The following EVL variants were observed in gnomAD, a reference collection of about 807,000 sequenced individuals.
EVL encodes Enah/Vasp-like, also known as ena/VASP-like protein.
EVL carries 21 observed loss-of-function variants against 59.6 expected under a neutral mutation model. The ratio of observed to expected loss-of-function variants is 0.35; its 90% confidence interval spans 0.25 to 0.51. The LOEUF (loss-of-function observed/expected upper bound fraction) is 0.51. EVL is among the 20% of genes least tolerant of loss of function. EVL has a pLI of 0.97. For missense variants in EVL, 462 were observed against 546.6 expected, an observed-to-expected ratio of 0.85 and a Z score of 1.54; for synonymous variants, 198 against 203.5, an observed-to-expected ratio of 0.97 and a Z score of 0.23.
intron 5 of EVL, among the ~76,000 whole-genome samples, chr14:100,128,086 G>A (rs985064632): frequency 2.6e-5 from 4 of 152,170 alleles, no homozygotes; most frequent in South Asian, 2.1e-4. Flanking sequence ...GACCTGCCAC[G>A]GCCCCCAACG....
chr14:99,999,854 C>A (rs538827890), intron 1 of EVL, among the ~76,000 whole-genome samples: 10 of 152,280 alleles, frequency 6.6e-5, no homozygotes, highest in African/African-American at 2.2e-4. Flanking sequence ...GCCCTCAGGG[C>A]AAAAGGGGCT....
chr14:100,044,890 C>G (rs1595086591), intron 1 of EVL, among the ~76,000 whole-genome samples: 1 of 152,282 alleles, frequency 6.6e-6, no homozygotes, highest in East Asian at 1.9e-4. Context: ...CACTTTCCCA[C>G]TGGGGACAGT....
At chr14:99,975,911 A>G (rs896760356) in intron 1 of EVL, among the ~76,000 whole-genome samples, 7 of 151,724 alleles carry the variant, frequency 4.6e-5, no homozygotes, top group African/African-American at 1.7e-4. Context: ...TATTCTGGTT[A>G]TCTCCTTCTC....
intron 3 of EVL, among the ~76,000 whole-genome samples, chr14:100,113,492 C>G (rs1342884855): frequency 1.3e-5 from 2 of 152,060 alleles, no homozygotes; most frequent in African/African-American, 4.8e-5. Flanking sequence ...AAATTAAGTC[C>G]CAGTGAAAGG....
chr14:100,137,483 TG>T, intron 9 of EVL, 94 bp from the exon 10 acceptor site: 1 of 1,310,094 alleles, frequency 7.6e-7, no homozygotes, highest in Non-Finnish European at 1.1e-6. Context: ...ACCCTTGGCA[TG>T]GGTGAGGGCT....
chr14:100,015,601 G>A (rs568042474), intron 1 of EVL, among the ~76,000 whole-genome samples: 6 of 152,174 alleles, frequency 3.9e-5, no homozygotes, highest in South Asian at 4.1e-4. Context: ...CATTAGCGCC[G>A]GCAGGGACTG....
chr14:100,135,748 G>A (rs1051043220), intron 8 of EVL, 157 bp from the exon 9 acceptor site: 19 of 689,248 alleles, frequency 2.8e-5, no homozygotes, highest in Admixed American at 7.3e-5. Flanking sequence ...GAGATTTTGC[G>A]TTTTCACTTT....
intron 1 of EVL, among the ~76,000 whole-genome samples, chr14:99,980,642 A>G (rs1173077738): frequency 6.6e-6 from 1 of 150,388 alleles, no homozygotes; most frequent in Non-Finnish European, 1.5e-5. Context: ...TTGGGTCCAA[A>G]TATATTTCTG....
intron 1 of EVL, among the ~76,000 whole-genome samples, chr14:100,070,969 A>G (rs2062037208): frequency 6.6e-6 from 1 of 152,200 alleles, no homozygotes; most frequent in African/African-American, 2.4e-5. Context: ...GGTGGCCTTG[A>G]AAGAGTATGG....
At chr14:100,073,376 C>T (rs2062091191) in intron 1 of EVL, among the ~76,000 whole-genome samples, 1 of 147,064 alleles carries the variant, frequency 6.8e-6, no homozygotes, top group African/African-American at 2.5e-5. Context: ...GGATGGAGTG[C>T]AGTGGTGCAA....
At position 99,997,169 on chromosome 14, in the gene EVL, T is replaced by TA. The variant is rs531903667; in HGVS notation, c.5+25114dup. The stretch of plus-strand genomic sequence containing the variant: ...CATCTTTATTACGCATTCCTTTTTT[T>TA]AATCACTTGCAAAAATAATTGTTTG... On this transcript the variant is annotated intron_variant, in intron 1 of 13. Coordinates refer to the EVL transcript ENST00000402714. Among the ~76,000 whole-genome samples the TA allele has an allele frequency of 5.6e-3, 848 of 152,374 alleles. 3 individuals are homozygous for TA. The highest frequency in any genetic ancestry group is 0.027 in the Middle Eastern group (8 of 294).
At chr14:100,010,703 T>G (rs797015907) in intron 1 of EVL, among the ~76,000 whole-genome samples, 2 of 152,224 alleles carry the variant, frequency 1.3e-5, no homozygotes, top group South Asian at 4.1e-4. Flanking sequence ...CAGCAGGTTT[T>G]TTGTTTGTTT....
chr14:100,087,308 A>G (rs778279706), intron 2 of EVL, among the ~76,000 whole-genome samples: 5 of 152,252 alleles, frequency 3.3e-5, no homozygotes, highest in Admixed American at 6.5e-5. Context: ...TTAGTTGAGA[A>G]TAAGTTTTGG....
Position 100,123,309 on chromosome 14 carries a change from T to C in EVL, c.359-230T>C, listed in dbSNP as rs11846746. 2.8e-3 allele frequency among the ~76,000 whole-genome samples: 427 copies of C among 152,230 alleles called. 3 individuals are homozygous for C. Among genetic ancestry groups the C allele is most frequent in the African/African-American group, 0.01 (424 of 41,548 alleles). On this transcript the variant is annotated intron_variant, in intron 3 of 13. Transcript: ENST00000392920. ...GGTTAATTTTTAACCATGTGAAAGT[T>C]TGGGTCTCATTTATTGGTTCAGAAT...
chr14:100,072,157 C>T (rs2062060999), intron 1 of EVL, among the ~76,000 whole-genome samples: 2 of 152,088 alleles, frequency 1.3e-5, no homozygotes, highest in Admixed American at 1.3e-4. Context: ...GCAGACGGCT[C>T]GATCAAATGT....
intron 3 of EVL, among the ~76,000 whole-genome samples, chr14:100,122,856 A>C (rs1345045393): frequency 6.6e-6 from 1 of 152,200 alleles, no homozygotes; most frequent in African/African-American, 2.4e-5. Flanking sequence ...GACTTCGCCT[A>C]TGCCGGGGTC....
chr14:100,134,814 C>T (rs1163734386), intron 8 of EVL: 1 of 152,232 alleles, frequency 6.6e-6, no homozygotes, highest in Non-Finnish European at 1.5e-5. Flanking sequence ...AGTTCCACCA[C>T]CTGAAAACCT....
At chr14:100,025,721 A>G (rs2061198953) in intron 1 of EVL, among the ~76,000 whole-genome samples, 3 of 152,196 alleles carry the variant, frequency 2.0e-5, no homozygotes, top group Middle Eastern at 3.4e-3. Flanking sequence ...TGAGGTCAAG[A>G]GTTCAAGACC....
chr14:100,094,357 C>A (rs765998123), intron 2 of EVL, among the ~76,000 whole-genome samples: 2 of 152,140 alleles, frequency 1.3e-5, no homozygotes, highest in South Asian at 2.1e-4. Context: ...CATTTCCCCC[C>A]CAAGAGCCAC....
Sources: gnomAD v4.1 joint callset for allele counts (sites outside exome capture counted in the v4.1 genomes callset) on GRCh38, gnomAD v4.1.1 for gene constraint, MANE v1.5 for transcripts, NCBI Gene and HGNC (gene_info 2026-07-23, HGNC 2026-07-21) for gene names.